Variants in LRIF1 observed in about 807,000 individuals in gnomAD.
The protein encoded by LRIF1 is ligand dependent nuclear receptor interacting factor 1, also known as ligand-dependent nuclear receptor-interacting factor 1.
Under a neutral mutation model 52.7 loss-of-function variants are expected in LRIF1, and 32 were observed. That is an observed-to-expected ratio of 0.61 (90% confidence interval 0.46 to 0.82). LRIF1 has a LOEUF of 0.82. Ranked by LOEUF, LRIF1 falls within the 40% of genes least tolerant of loss-of-function variation. The pLI, the probability that LRIF1 is intolerant of heterozygous loss-of-function variation, is 0.00. For synonymous variants in LRIF1, 323 were observed against 317.4 expected, an observed-to-expected ratio of 1.02 and a Z score of -0.19; for missense variants, 887 against 892.0, an observed-to-expected ratio of 0.99 and a Z score of 0.07.
Position 110,947,829 on chromosome 1 carries a change from T to A in LRIF1, c.*130A>T. ...CAACCTTTTCTGTATTCCTTAAAGT[T>A]GTACAATCGACTGATGAAAAAACAA... On this transcript the variant is annotated 3_prime_UTR_variant, in exon 4 of 4. Coordinates refer to ENST00000369763, the MANE Select transcript of LRIF1 (RefSeq NM_018372.4). The A allele has an allele frequency of 3.9e-6, 5 of 1,266,502 alleles. No individual in the cohort carries two copies. Among genetic ancestry groups the A allele is most frequent in the Non-Finnish European group, 4.2e-6 (4 of 944,952 alleles). The allele number at this position is 1,266,502 out of a possible 1,614,324, so 78.5% of individuals were successfully genotyped here.
At chr1:110,953,313 C>G (rs889702386) in intron 1 of LRIF1, among the ~76,000 whole-genome samples, 4 of 152,180 alleles carry the variant, frequency 2.6e-5, no homozygotes, top group African/African-American at 7.2e-5. Context: ...TAAGCTATCT[C>G]TCATGGTGTT....
the LRIF1 span, among the ~76,000 whole-genome samples, chr1:110,922,625 A>G: frequency 1.3e-5 from 2 of 152,246 alleles, no homozygotes; most frequent in African/African-American, 4.8e-5. Flanking sequence ...GTCCAATATG[A>G]ATAATACAAA....
At chr1:110,885,591 G>A in the LRIF1 span, among the ~76,000 whole-genome samples, 1 of 151,516 alleles carries the variant, frequency 6.6e-6, no homozygotes, top group African/African-American at 2.4e-5. Flanking sequence ...GACGAGGTGC[G>A]GTGGCTCAAG....
the LRIF1 span, among the ~76,000 whole-genome samples, chr1:110,879,619 G>A: frequency 2.6e-4 from 39 of 152,142 alleles, no homozygotes; most frequent in African/African-American, 8.2e-4. Flanking sequence ...TATCTCATAA[G>A]CGTAATGGTC....
the LRIF1 span, among the ~76,000 whole-genome samples, chr1:110,880,580 C>T: frequency 6.6e-6 from 1 of 152,114 alleles, no homozygotes; most frequent in Non-Finnish European, 1.5e-5. Flanking sequence ...CAATTCCTTT[C>T]TGTTACTGAT....
At chr1:110,955,705 A>G (rs1178443892) in intron 1 of LRIF1, among the ~76,000 whole-genome samples, 1 of 152,218 alleles carries the variant, frequency 6.6e-6, no homozygotes, top group East Asian at 1.9e-4. Flanking sequence ...AAGCAAGTAG[A>G]CAACTCTTTT....
At chr1:110,897,061 GTA>G in the LRIF1 span, among the ~76,000 whole-genome samples, 1 of 152,196 alleles carries the variant, frequency 6.6e-6, no homozygotes, top group African/African-American at 2.4e-5. Context: ...AAAGTGAAAT[GTA>G]TAGGGTTGAG....
chr1:110,942,518 A>G (rs191949502), downstream of LRIF1, among the ~76,000 whole-genome samples: 1 of 152,262 alleles, frequency 6.6e-6, no homozygotes, highest in African/African-American at 2.4e-5. Context: ...TGGTAGAAGC[A>G]GAGAGACAGT....
chr1:110,899,012 G>A, the LRIF1 span: 6 of 718,854 alleles, frequency 8.3e-6, no homozygotes, highest in Non-Finnish European at 1.4e-5. Context: ...ATGGTTGGAA[G>A]GGTGGTTTCA....
the LRIF1 span, chr1:110,896,860 C>G: frequency 1.3e-6 from 1 of 741,380 alleles, no homozygotes; most frequent in Non-Finnish European, 2.2e-6. Context: ...AAAAGAGAGG[C>G]CAGGGCAACA....
At chr1:110,911,763 C>A in the LRIF1 span, among the ~76,000 whole-genome samples, 1 of 152,274 alleles carries the variant, frequency 6.6e-6, no homozygotes, top group Admixed American at 6.5e-5. Flanking sequence ...ACCACATGAT[C>A]ATCTCAAGAA....
chr1:110,944,274 G>A (rs571596694), downstream of LRIF1: 13 of 152,348 alleles, frequency 8.5e-5, no homozygotes, highest in African/African-American at 2.9e-4. Context: ...GCAACTGGTA[G>A]GATGCGGTTG....
the LRIF1 span, among the ~76,000 whole-genome samples, chr1:110,914,317 GA>G: frequency 1.3e-4 from 19 of 151,356 alleles, no homozygotes; most frequent in East Asian, 3.3e-3. Context: ...TAAAAGTTGA[GA>G]AAGAAAAAAA....
chr1:110,947,793 C>T lies in LRIF1; in HGVS notation c.*166G>A. 2 of 861,442 alleles carry T rather than the reference C, an allele frequency of 2.3e-6. No individual in the cohort carries two copies. The highest frequency in any genetic ancestry group is 3.3e-6 in the Non-Finnish European group (2 of 603,048). 53.4% of individuals were successfully genotyped at this position (861,442 alleles called of 1,614,324 possible). A position where few individuals can be genotyped will look rare whatever the true frequency, so the allele number is the denominator to read the frequency against. On this transcript the variant is annotated 3_prime_UTR_variant, in exon 4 of 4. Transcript: ENST00000369763. Reference sequence around the variant, plus strand: ...TACCCCATGTAAATTATTCACAAGTCATATGTGAATCAACCTTTTCTGTAT... The same window carrying T: ...TACCCCATGTAAATTATTCACAAGTTATATGTGAATCAACCTTTTCTGTAT...
At chr1:110,945,920 G>C (rs1403253827), downstream of LRIF1, among the ~76,000 whole-genome samples, 1 of 152,110 alleles carries the variant, frequency 6.6e-6, no homozygotes, top group African/African-American at 2.4e-5. Flanking sequence ...AGCAAAACCT[G>C]ACTGAAATAG....
the LRIF1 span, among the ~76,000 whole-genome samples, chr1:110,921,186 T>C: frequency 6.6e-6 from 1 of 152,202 alleles, no homozygotes; most frequent in Non-Finnish European, 1.5e-5. Context: ...TTGTATCATC[T>C]GGTAGGTGAG....
chr1:110,953,809 C>G (rs930667479), intron 1 of LRIF1, among the ~76,000 whole-genome samples: 1 of 152,158 alleles, frequency 6.6e-6, no homozygotes, highest in African/African-American at 2.4e-5. Flanking sequence ...TCACATAGCT[C>G]AAGTCTTGGC....
intron 1 of LRIF1, among the ~76,000 whole-genome samples, chr1:110,963,017 T>C (rs1322862195): frequency 2.0e-5 from 3 of 152,146 alleles, no homozygotes; most frequent in Non-Finnish European, 2.9e-5. Context: ...CAAATATAAA[T>C]AGCCAATGAA....
At chr1:110,929,512 T>C in the LRIF1 span, among the ~76,000 whole-genome samples, 4 of 152,346 alleles carry the variant, frequency 2.6e-5, no homozygotes, top group African/African-American at 9.6e-5. Flanking sequence ...TCTCTACTGC[T>C]CAGTGATATT....
Sources: gnomAD v4.1 joint callset for allele counts (sites outside exome capture counted in the v4.1 genomes callset) on GRCh38, gnomAD v4.1.1 for gene constraint, MANE v1.5 for transcripts, NCBI Gene and HGNC (gene_info 2026-07-23, HGNC 2026-07-21) for gene names.